Variants in DEF6 observed in about 807,000 individuals in gnomAD.
DEF6 encodes the protein DEF6 guanine nucleotide exchange factor, also known as differentially expressed in FDCP 6 homolog.
DEF6 carries 32 observed loss-of-function variants against 80.5 expected under a neutral mutation model. That is an observed-to-expected ratio of 0.40 (90% CI 0.30 to 0.53). The LOEUF (loss-of-function observed/expected upper bound fraction) is 0.53, where lower values mean the gene tolerates loss of function less well. Ranked by LOEUF, DEF6 falls within the 20% of genes least tolerant of loss-of-function variation. The pLI, the probability that DEF6 is intolerant of heterozygous loss-of-function variation, is 0.57. For missense variants in DEF6, 575 were observed against 818.7 expected (o/e 0.70, Z 3.63); for synonymous variants, 300 against 337.9 (o/e 0.89, Z 1.23).
chr6:35,305,100 A>T (rs965598324), intron 1 of DEF6, among the ~76,000 whole-genome samples: 1 of 145,874 alleles, frequency 6.9e-6, no homozygotes, highest in African/African-American at 2.5e-5. Flanking sequence ...ATGAGCCACC[A>T]TGGCCTGGGC....
At chr6:35,310,673 A>G in intron 3 of DEF6, 29 bp downstream of exon 3, 1 of 1,613,528 alleles carries the variant, frequency 6.2e-7, no homozygotes, top group Non-Finnish European at 8.5e-7. Context: ...CCAGGGACTG[A>G]ATCACTTGGG....
In DEF6 at chr6:35,318,800, G is replaced by A. The variant is rs552017797; in HGVS notation, c.1215+329G>A. On this transcript the variant is annotated intron_variant, in intron 7 of 10. Coordinates refer to ENST00000316637, the MANE Select transcript of DEF6 (RefSeq NM_022047.4). This position sits in a 1 kb window ranked among gnomAD's most constrained non-coding sequence, Gnocchi z 5.1. ...AGGAGCCGTTGAAGACCGTGTGATT[G>A]GGGATTAGACTGGACCAAGTTTGGA... Among the ~76,000 whole-genome samples, 1 of 152,270 alleles carries A rather than the reference G, an allele frequency of 6.6e-6. No homozygotes were observed. Among genetic ancestry groups the A allele is most frequent in the African/African-American group, 2.4e-5 (1 of 41,542 alleles).
At chr6:35,313,317 C>T (rs1198327441) in intron 5 of DEF6, 2 of 428,590 alleles carry the variant, frequency 4.7e-6, no homozygotes, top group Non-Finnish European at 9.1e-6. Context: ...GCATTAAATA[C>T]ATTCATGAAA....
intron 1 of DEF6, among the ~76,000 whole-genome samples, chr6:35,303,228 AGTGCAGGTGAG>A (rs1230336923): frequency 2.0e-5 from 3 of 152,158 alleles, no homozygotes; most frequent in Admixed American, 2.0e-4. Flanking sequence ...CAATGGCAAA[AGTGCAGGTGAG>A]GTGCAGGTCT....
chr6:35,308,667 C>A (rs1020769170), intron 1 of DEF6, among the ~76,000 whole-genome samples: 2 of 114,624 alleles, frequency 1.7e-5, no homozygotes, highest in African/African-American at 7.6e-5. Context: ...AGTAAGACTC[C>A]GTCTCAAAAT....
chr6:35,317,785 G>A (rs1791539311), intron 5 of DEF6, 106 bp from the exon 6 acceptor site: 4 of 940,380 alleles, frequency 4.3e-6, no homozygotes, highest in East Asian at 5.5e-5. Context: ...GGGTCCCCAG[G>A]GAAGATAGCC....
At position 35,318,158 on chromosome 6, in the gene DEF6, C is replaced by T; in HGVS notation, c.917-15C>T. The T allele has an allele frequency of 6.5e-7, 1 of 1,543,804 alleles. No homozygotes were observed. Among genetic ancestry groups the T allele is most frequent in the Non-Finnish European group, 8.7e-7 (1 of 1,147,472 alleles). On this transcript the variant is annotated splice_polypyrimidine_tract_variant and intron_variant, in intron 6 of 10. Coordinates refer to ENST00000316637, the MANE Select transcript of DEF6 (RefSeq NM_022047.4). This position sits in a 1 kb window ranked among gnomAD's most constrained non-coding sequence, Gnocchi z 5.1. ...TGTGCGAGGATCCTACTGACCCGCTCCCGCTCTTCGGCAGCCATCCAGATG... is the reference window on the plus strand; with the variant it reads ...TGTGCGAGGATCCTACTGACCCGCTTCCGCTCTTCGGCAGCCATCCAGATG...
At position 35,310,479 on chromosome 6, in the gene DEF6, T is replaced by G. The variant is rs780381274; in HGVS notation, c.258T>G (p.Val86=). 1 of 1,613,984 alleles carries G rather than the reference T, an allele frequency of 6.2e-7. No individual in the cohort carries two copies. Among genetic ancestry groups the G allele is most frequent in the Non-Finnish European group, 8.5e-7 (1 of 1,180,002 alleles). ...ILDKVEEGAF[V]KEHFDELCWT... is the part of the protein sequence containing the mutation. ...GGCAGGTGGAGGAGGGGGCTTTTGT[T>G]AAAGAGCACTTTGATGAGCTGTGCT... is the stretch of plus-strand genomic sequence containing the variant. The change falls in exon 3 of 11, where the codon GTT becomes GTG. Residue 86 remains valine, a synonymous_variant. Coordinates refer to ENST00000316637, the MANE Select transcript of DEF6 (RefSeq NM_022047.4).
rs1442827923 is a variant in DEF6 at position 35,297,818 on chromosome 6, A to G, written c.-39A>G. 1 of 1,527,464 alleles carries G rather than the reference A, an allele frequency of 6.5e-7. No homozygotes were observed. The highest frequency in any genetic ancestry group is 1.9e-5 in the Admixed American group (1 of 51,798). 94.6% of individuals were successfully genotyped at this position (1,527,464 alleles called of 1,614,324 possible). A position where few individuals can be genotyped will look rare whatever the true frequency, so the allele number is the denominator to read the frequency against. On this transcript the variant is annotated 5_prime_UTR_variant, in exon 1 of 11. Coordinates refer to ENST00000316637, the MANE Select transcript of DEF6 (RefSeq NM_022047.4). ...TTTGCATTTCCTGAAACCGGATCTT[A>G]GTGTCAGAGCCGCCCCCAGCCGGGC... is the stretch of plus-strand genomic sequence containing the variant.
chr6:35,303,516 G>A (rs563391248), intron 1 of DEF6, among the ~76,000 whole-genome samples: 1 of 152,270 alleles, frequency 6.6e-6, no homozygotes, highest in East Asian at 1.9e-4. Context: ...GCCAGGCCCC[G>A]TGATACCACA....
In DEF6 at chr6:35,318,308, A is replaced by C. The variant is rs749336157; in HGVS notation, c.1052A>C (p.Gln351Pro). ...AAKEEELLRLQQLQEEKERKL... is the reference protein window; with the variant it reads ...AAKEEELLRLPQLQEEKERKL... ...AAGGAAGAGGAGCTGCTGCGGCTGC[A>C]GCAGCTGCAGGAGGAGAAGGAGCGG... The change falls in exon 7 of 11, where the codon CAG becomes CCG. Residue 351 changes from glutamine (Q) to proline (P), a missense_variant. By Grantham distance (76) the Gln-to-Pro change is moderately conservative (BLOSUM62 -1). Transcript: ENST00000316637. This position sits in a 1 kb window ranked among gnomAD's most constrained non-coding sequence, Gnocchi z 5.1. The C allele has an allele frequency of 6.4e-7, 1 of 1,551,264 alleles. No homozygotes were observed. The highest frequency in any genetic ancestry group is 1.2e-5 in the South Asian group (1 of 84,894).
chr6:35,308,125 C>G (rs1316348990), intron 1 of DEF6, among the ~76,000 whole-genome samples: 2 of 152,202 alleles, frequency 1.3e-5, no homozygotes, highest in Non-Finnish European at 2.9e-5. Flanking sequence ...TAGTTTCAAC[C>G]TCAGCTCTGC....
rs1472555469 is a variant in DEF6, at chr6:35,321,228, C to T, written c.1714C>T (p.Pro572Ser). 3 of 1,613,144 alleles carry T rather than the reference C, an allele frequency of 1.9e-6. No homozygotes were observed. The highest frequency in any genetic ancestry group is 2.5e-6 in the Non-Finnish European group (3 of 1,179,960). ...CAGCAGCTCCTTCTCAGGCTTCCAG[C>T]CCCCTCTGCTTGCCCACCGTGACTC... ...VTSSSFSGFQPPLLAHRDSSL... is the reference protein window; with the variant it reads ...VTSSSFSGFQSPLLAHRDSSL... Residue 572 changes from proline (P) to serine (S), a missense_variant, in exon 11 of 11, where the codon CCC becomes TCC. By Grantham distance (74) the Pro-to-Ser change is moderately conservative. Transcript: ENST00000316637.
intron 1 of DEF6, among the ~76,000 whole-genome samples, chr6:35,308,509 CTAAAAATACA>C (rs756335877): frequency 6.6e-6 from 1 of 151,832 alleles, no homozygotes; most frequent in Non-Finnish European, 1.5e-5. Flanking sequence ...CCTGTCTCTA[CTAAAAATACA>C]AAAATTAGCT....
chr6:35,311,794 C>T (rs1374872534), intron 3 of DEF6, among the ~76,000 whole-genome samples: 1 of 152,228 alleles, frequency 6.6e-6, no homozygotes, highest in Non-Finnish European at 1.5e-5. Context: ...TCCCCTTCCT[C>T]TCCCACAAGG....
At position 35,319,679 on chromosome 6, in the gene DEF6, C is replaced by A. The variant is rs771240993; in HGVS notation, c.1371C>A (p.Ile457=). 6.2e-7 allele frequency: 1 copy of A among 1,611,356 alleles called. No homozygotes were observed. The highest frequency in any genetic ancestry group is 1.1e-5 in the South Asian group (1 of 90,822). Residue 457 remains isoleucine, a synonymous_variant, in exon 8 of 11, where the codon ATC becomes ATA. Coordinates refer to ENST00000316637, the MANE Select transcript of DEF6 (RefSeq NM_022047.4). This position sits in a 1 kb window ranked among gnomAD's most constrained non-coding sequence, Gnocchi z 4.5. Reference sequence around the variant, plus strand: ...GGCGAGATGAAGAATCTGTGCGAATCGCTCAGACCAGGTAGGCCTGAGGAA... The same window carrying A: ...GGCGAGATGAAGAATCTGTGCGAATAGCTCAGACCAGGTAGGCCTGAGGAA... ...KARRDEESVR[I]AQTRLLEEEE...
In DEF6 at chr6:35,312,901, A is replaced by C. The variant is rs1791486100; in HGVS notation, c.807+129A>C. 2 of 1,125,068 alleles carry C rather than the reference A, an allele frequency of 1.8e-6. No homozygotes were observed. The highest frequency in any genetic ancestry group is 3.1e-5 in the South Asian group (2 of 64,590). The allele number at this position is 1,125,068 out of a possible 1,614,324, so 69.7% of individuals were successfully genotyped here. A position where few individuals can be genotyped will look rare whatever the true frequency, so the allele number is the denominator to read the frequency against. ...AGTGACACAAATTCCTGCTTAGATT[A>C]GTGTGACCCAAATATATCCGGATGC... On this transcript the variant is annotated intron_variant, in intron 5 of 10. Coordinates refer to ENST00000316637, the MANE Select transcript of DEF6 (RefSeq NM_022047.4). The surrounding 1 kb of genome is among the most constrained non-coding windows in gnomAD (Gnocchi z 6.6).
In DEF6 at chr6:35,312,190, TG is replaced by T; in HGVS notation, c.424-111del. ...CGGTCCTCTGGCCCCCTCAACGCTC[TG>T]TCCCCTGTTTCCCTCTGCCCAGGCT... On this transcript the variant is annotated intron_variant, in intron 3 of 10. Transcript: ENST00000316637. This position sits in a 1 kb window ranked among gnomAD's most constrained non-coding sequence, Gnocchi z 6.6. 1.2e-6 allele frequency: 1 copy of T among 867,054 alleles called. No homozygotes were observed. Among genetic ancestry groups the T allele is most frequent in the African/African-American group, 1.7e-5 (1 of 59,522 alleles). The allele number at this position is 867,054 out of a possible 1,614,324, so 53.7% of individuals were successfully genotyped here. A position where few individuals can be genotyped will look rare whatever the true frequency, so the allele number is the denominator to read the frequency against.
rs34442746 is a variant in DEF6, at chr6:35,316,168, CTT to C, written c.808-1710_808-1709del. ...ACAGGTATAAGCCACTGTGCCCGGCCTTTTTTTTTTTTTTAAGAGAGAGACAG... is the reference window on the plus strand; with the variant it reads ...ACAGGTATAAGCCACTGTGCCCGGCCTTTTTTTTTTTTAAGAGAGAGACAG... On this transcript the variant is annotated intron_variant, in intron 5 of 10. Transcript: ENST00000316637. 447 of 148,016 alleles carry C rather than the reference CTT, an allele frequency of 3.0e-3. 2 individuals carry two copies. Among genetic ancestry groups the C allele is most frequent in the African/African-American group, 7.6e-3 (302 of 39,516 alleles). The allele number at this position is 148,016 out of a possible 1,614,324, so 9.2% of individuals were successfully genotyped here.
Sources: gnomAD v4.1 joint callset for allele counts (sites outside exome capture counted in the v4.1 genomes callset) on GRCh38, gnomAD v4.1.1 for gene constraint, Gnocchi (gnomAD v3.1) non-coding constraint, MANE v1.5 for transcripts, NCBI Gene and HGNC (gene_info 2026-07-23, HGNC 2026-07-21) for gene names.